TAF3: variants seen among roughly 807,000 people sequenced by gnomAD.
TAF3 encodes transcription initiation factor TFIID subunit 3.
TAF3 carries 7 observed loss-of-function variants against 80.6 expected under a neutral mutation model. That is an observed-to-expected ratio of 0.09 (90% CI 0.05 to 0.16). TAF3 has a LOEUF of 0.16. Ranked by LOEUF, TAF3 falls within the 10% of genes least tolerant of loss-of-function variation. The pLI, the probability that TAF3 is intolerant of heterozygous loss-of-function variation, is 1.00. For missense variants in TAF3, 921 were observed against 1,140.2 expected (o/e 0.81, Z 2.77); for synonymous variants, 444 against 446.1 (o/e 1.00, Z 0.06).
intron 2 of TAF3, among the ~76,000 whole-genome samples, chr10:7,904,828 C>G (rs1588546416): frequency 6.6e-6 from 1 of 152,154 alleles, no homozygotes; most frequent in Middle Eastern, 3.4e-3. Flanking sequence ...GACACGGGGC[C>G]GACCGTAACT....
At chr10:7,981,329 GCTC>G (rs1402588870) in intron 4 of TAF3, among the ~76,000 whole-genome samples, 2 of 152,074 alleles carry the variant, frequency 1.3e-5, no homozygotes, top group Non-Finnish European at 2.9e-5. Flanking sequence ...ATGGTGAGCA[GCTC>G]CTCCTCCTCC....
chr10:7,859,359 T>G (rs1366254084), intron 2 of TAF3, among the ~76,000 whole-genome samples: 1 of 152,192 alleles, frequency 6.6e-6, no homozygotes, highest in East Asian at 1.9e-4. Flanking sequence ...ACATCCTGCC[T>G]TCAGATCCTG....
intron 2 of TAF3, among the ~76,000 whole-genome samples, chr10:7,829,726 C>G (rs1271645061): frequency 1.3e-5 from 2 of 152,172 alleles, no homozygotes; most frequent in Non-Finnish European, 2.9e-5. Context: ...GGTTTCTTCA[C>G]AGTAAAGTTT....
intron 4 of TAF3, among the ~76,000 whole-genome samples, chr10:7,997,757 G>T (rs913097399): frequency 6.6e-6 from 1 of 152,114 alleles, no homozygotes; most frequent in Non-Finnish European, 1.5e-5. Context: ...AGCTCTGGAC[G>T]AGAACTTACT....
At chr10:7,948,676 A>T (rs1012750082) in intron 2 of TAF3, among the ~76,000 whole-genome samples, 4 of 152,210 alleles carry the variant, frequency 2.6e-5, no homozygotes, top group African/African-American at 9.7e-5. Flanking sequence ...AAATAGGAAG[A>T]TGTTTGGAGT....
intron 5 of TAF3, 129 bp from the exon 6 acceptor site, chr10:8,013,602 T>A (rs1203661156): frequency 1.6e-6 from 1 of 625,778 alleles, no homozygotes; most frequent in Non-Finnish European, 2.8e-6. Context: ...AGTGCTGATC[T>A]ACTATATTTT....
At chr10:7,851,649 A>C (rs534016957) in intron 2 of TAF3, among the ~76,000 whole-genome samples, 1 of 151,992 alleles carries the variant, frequency 6.6e-6, no homozygotes, top group African/African-American at 2.4e-5. Context: ...CTCCCCTTTC[A>C]TGTTGGCTTG....
At chr10:7,876,491 A>G (rs1837313205) in intron 2 of TAF3, among the ~76,000 whole-genome samples, 1 of 152,236 alleles carries the variant, frequency 6.6e-6, no homozygotes, top group Non-Finnish European at 1.5e-5. Context: ...ATATGAAAGA[A>G]CAACTTATTT....
chr10:7,859,272 A>C (rs1342630683), intron 2 of TAF3, among the ~76,000 whole-genome samples: 24 of 45,938 alleles, frequency 5.2e-4, no homozygotes, highest in African/African-American at 2.2e-3. Flanking sequence ...ATAAATAAAT[A>C]AATAAATAAA....
At chr10:7,998,283 AT>A (rs1427431872) in intron 4 of TAF3, among the ~76,000 whole-genome samples, 12 of 147,170 alleles carry the variant, frequency 8.2e-5, no homozygotes, top group Non-Finnish European at 1.6e-4. Context: ...ATATATATAT[AT>A]AAATTTAAAA....
chr10:7,839,354 T>A (rs182898646), intron 2 of TAF3, among the ~76,000 whole-genome samples: 30 of 152,340 alleles, frequency 2.0e-4, no homozygotes, highest in Non-Finnish European at 3.7e-4. Flanking sequence ...CCTACACTCA[T>A]TCTCCATTTC....
chr10:7,991,232 T>C (rs1831830635), intron 4 of TAF3, among the ~76,000 whole-genome samples: 1 of 152,116 alleles, frequency 6.6e-6, no homozygotes, highest in East Asian at 1.9e-4. Context: ...TGCATGTATA[T>C]ATAATAAGTG....
At chr10:7,971,287 A>G (rs1831619107) in intron 3 of TAF3, among the ~76,000 whole-genome samples, 1 of 152,210 alleles carries the variant, frequency 6.6e-6, no homozygotes, top group Non-Finnish European at 1.5e-5. Flanking sequence ...TTGCTGAGAA[A>G]TACAAGATGG....
At chr10:7,875,752 AG>A (rs1309278151) in intron 2 of TAF3, among the ~76,000 whole-genome samples, 1 of 152,214 alleles carries the variant, frequency 6.6e-6, no homozygotes, top group Non-Finnish European at 1.5e-5. Context: ...TTACTCAAAA[AG>A]GAAAAGAAAG....
At chr10:8,013,269 A>G (rs2131443837) in intron 5 of TAF3, among the ~76,000 whole-genome samples, 1 of 152,356 alleles carries the variant, frequency 6.6e-6, no homozygotes, top group African/African-American at 2.4e-5. Flanking sequence ...TGGTGCATGC[A>G]CATTTGGCTG....
intron 2 of TAF3, among the ~76,000 whole-genome samples, chr10:7,954,487 A>T (rs1198694136): frequency 1.5e-5 from 2 of 136,376 alleles, no homozygotes; most frequent in African/African-American, 2.6e-5. Flanking sequence ...CAGTTAACAC[A>T]GAGCTCTCCA....
chr10:7,984,192 T>C lies in TAF3; in HGVS notation c.2315+6869T>C, dbSNP rs560618765. Among the ~76,000 whole-genome samples, 89 of 152,324 alleles carry C rather than the reference T, an allele frequency of 5.8e-4. 1 individual carries two copies. The Middle Eastern group carries it at 0.01, about 17-fold the overall frequency. ...ACTTCCTTATATTACTGTCTTATTT[T>C]TACCACCTAGAACAATGATATAGTC... is the stretch of plus-strand genomic sequence containing the variant. On this transcript the variant is annotated intron_variant, in intron 4 of 6. Transcript: ENST00000344293.
At chr10:7,938,804 A>G (rs540291745) in intron 2 of TAF3, among the ~76,000 whole-genome samples, 20 of 152,374 alleles carry the variant, frequency 1.3e-4, no homozygotes, top group African/African-American at 4.3e-4. Context: ...AGAGACTGCA[A>G]GTTGATCAAT....
intron 2 of TAF3, among the ~76,000 whole-genome samples, chr10:7,903,685 A>G (rs945540071): frequency 6.6e-6 from 1 of 152,224 alleles, no homozygotes. Context: ...TCAGGAGACT[A>G]CAGTTAAAGG....
Sources: allele counts gnomAD v4.1 joint callset (sites outside exome capture counted in the v4.1 genomes callset), GRCh38; gene constraint gnomAD v4.1.1; transcripts MANE v1.5; gene names NCBI Gene and HGNC (gene_info 2026-07-23, HGNC 2026-07-21).